The following PRKN variants were observed in gnomAD, a reference collection of about 807,000 sequenced individuals.
The protein encoded by PRKN is parkin RBR E3 ubiquitin protein ligase, also known as E3 ubiquitin-protein ligase parkin.
A neutral mutation model predicts 59.5 loss-of-function variants in PRKN; 56 were observed. The observed-to-expected ratio is 0.94, with a 90% CI of 0.76 to 1.18. The LOEUF is 1.18. PRKN is among the 50% of genes most tolerant of loss of function. PRKN has a pLI of 0.00. For synonymous variants in PRKN, 250 were observed against 222.1 expected, an observed-to-expected ratio of 1.13 and a Z score of -1.12; for missense variants, 657 against 596.4, an observed-to-expected ratio of 1.10 and a Z score of -1.06.
chr6:162,226,955 G>A (rs1048344323), intron 3 of PRKN, among the ~76,000 whole-genome samples: 21 of 152,202 alleles, frequency 1.4e-4, no homozygotes, highest in Non-Finnish European at 1.3e-4. Context: ...GAGCACAGAA[G>A]TTCATTCTCT....
intron 7 of PRKN, among the ~76,000 whole-genome samples, chr6:161,757,871 C>CTCTCTCTCTCTCTGTG (rs1380898753): frequency 0.078 from 7,592 of 97,818 alleles, 853 homozygotes; most frequent in Non-Finnish European, 0.098. Context: ...CTCTCTCTCT[C>CTCTCTCTCTCTCTGTG]TGTGTATATA....
At chr6:162,484,141 G>A (rs1388892574) in intron 1 of PRKN, among the ~76,000 whole-genome samples, 4 of 152,158 alleles carry the variant, frequency 2.6e-5, no homozygotes, top group African/African-American at 9.7e-5. Flanking sequence ...TGGCTGTTTG[G>A]GCAAGAGAAG....
intron 3 of PRKN, among the ~76,000 whole-genome samples, chr6:162,240,742 T>C (rs1778950779): frequency 6.6e-6 from 1 of 152,142 alleles, no homozygotes. Flanking sequence ...TGCTAAAGCA[T>C]TAGGGTGAAC....
chr6:161,789,466 T>C (rs1358048331), intron 6 of PRKN, among the ~76,000 whole-genome samples: 1 of 152,196 alleles, frequency 6.6e-6, no homozygotes, highest in Non-Finnish European at 1.5e-5. Context: ...CCTAGATGCA[T>C]GCTCTTTGCC....
chr6:162,546,249 G>A (rs1016576752), intron 1 of PRKN, among the ~76,000 whole-genome samples: 5 of 151,778 alleles, frequency 3.3e-5, no homozygotes, highest in Admixed American at 3.3e-4. Flanking sequence ...CATTATAGGC[G>A]TGCGCCACCA....
chr6:161,619,915 C>T (rs1314905601), intron 7 of PRKN, among the ~76,000 whole-genome samples: 1 of 149,884 alleles, frequency 6.7e-6, no homozygotes, highest in African/African-American at 2.5e-5. Flanking sequence ...TTAAAATTAA[C>T]TTCACCTTTA....
intron 1 of PRKN, among the ~76,000 whole-genome samples, chr6:162,518,210 A>G (rs965316554): frequency 1.3e-5 from 2 of 152,220 alleles, no homozygotes; most frequent in African/African-American, 4.8e-5. Context: ...ATTTTCATTA[A>G]CAAAATAATA....
At position 161,362,046 on chromosome 6, in the gene PRKN, G is replaced by A. The variant is rs953353479; in HGVS notation, c.1168-1841C>T. ...TCTTTTTCAGGTCTAGGGCTCTGTA[G>A]CTCTGCAGCAATGGTTTAGATTGCT... On this transcript the variant is annotated intron_variant, in intron 10 of 11. Transcript: ENST00000366898. This position sits in a 1 kb window ranked among gnomAD's most constrained non-coding sequence, Gnocchi z 5.2. 6.6e-6 allele frequency among the ~76,000 whole-genome samples: 1 copy of A among 152,150 alleles called. No homozygotes were observed. The highest frequency in any genetic ancestry group is 2.4e-5 in the African/African-American group (1 of 41,436).
At chr6:161,658,030 A>AAAAG (rs1554289235) in intron 7 of PRKN, among the ~76,000 whole-genome samples, 10 of 104,900 alleles carry the variant, frequency 9.5e-5, no homozygotes, top group South Asian at 3.3e-4. Flanking sequence ...AAAAAAAAAA[A>AAAAG]AAAAGAAAAG....
At chr6:161,565,203 T>A (rs1379536504) in intron 8 of PRKN, among the ~76,000 whole-genome samples, 1 of 152,174 alleles carries the variant, frequency 6.6e-6, no homozygotes, top group Admixed American at 6.5e-5. Flanking sequence ...CTTGTTTTTG[T>A]TACATTTTGA....
intron 7 of PRKN, among the ~76,000 whole-genome samples, chr6:161,754,409 C>T (rs780687752): frequency 6.6e-6 from 1 of 151,870 alleles, no homozygotes; most frequent in South Asian, 2.1e-4. Flanking sequence ...CAAAAACACG[C>T]GGGGCATCCA....
intron 1 of PRKN, among the ~76,000 whole-genome samples, chr6:162,509,698 C>T (rs1323415543): frequency 6.6e-6 from 1 of 152,068 alleles, no homozygotes; most frequent in Admixed American, 6.6e-5. Flanking sequence ...TTTGCTATCC[C>T]CAGAGCAGTA....
At chr6:161,541,433 G>T (rs1013967260) in intron 9 of PRKN, among the ~76,000 whole-genome samples, 10 of 152,162 alleles carry the variant, frequency 6.6e-5, no homozygotes, top group Admixed American at 3.9e-4. Flanking sequence ...GCTCTCTGCA[G>T]CTTATAAAGC....
chr6:161,802,970 T>C (rs1791152905), intron 6 of PRKN, among the ~76,000 whole-genome samples: 1 of 152,002 alleles, frequency 6.6e-6, no homozygotes, highest in Non-Finnish European at 1.5e-5. Context: ...ACAGGTGATG[T>C]GAGAAGGGTG....
intron 6 of PRKN, among the ~76,000 whole-genome samples, chr6:161,872,854 A>T (rs902201175): frequency 2.0e-5 from 3 of 151,810 alleles, no homozygotes; most frequent in African/African-American, 7.3e-5. Context: ...TTCATTTTTC[A>T]TCTCTCCCAG....
chr6:162,394,502 G>C (rs1469604351), intron 2 of PRKN, among the ~76,000 whole-genome samples: 1 of 152,102 alleles, frequency 6.6e-6, no homozygotes, highest in African/African-American at 2.4e-5. Context: ...AGGCTATGAA[G>C]GATAGCTTTT....
chr6:161,934,730 G>C (rs1175231600), intron 6 of PRKN, among the ~76,000 whole-genome samples: 1 of 152,062 alleles, frequency 6.6e-6, no homozygotes, highest in Non-Finnish European at 1.5e-5. Flanking sequence ...TACTTTGAGA[G>C]ACAGGTTTTT....
chr6:161,828,891 T>C (rs529309376), intron 6 of PRKN, among the ~76,000 whole-genome samples: 4 of 150,530 alleles, frequency 2.7e-5, no homozygotes, highest in Non-Finnish European at 5.9e-5. Context: ...GATCACGCCA[T>C]TGCACTCTAG....
intron 4 of PRKN, among the ~76,000 whole-genome samples, chr6:162,157,292 G>C (rs531528059): frequency 6.6e-6 from 1 of 151,666 alleles, no homozygotes; most frequent in East Asian, 2.0e-4. Flanking sequence ...TTCCATGCTA[G>C]CTCCTGGCTT....
Sources: allele counts gnomAD v4.1 joint callset (sites outside exome capture counted in the v4.1 genomes callset), GRCh38; gene constraint gnomAD v4.1.1; non-coding constraint Gnocchi (gnomAD v3.1); transcripts MANE v1.5; gene names NCBI Gene and HGNC (gene_info 2026-07-23, HGNC 2026-07-21).